ECHDC1: variants seen among roughly 807,000 people sequenced by gnomAD.
ECHDC1 encodes ethylmalonyl-CoA decarboxylase.
A neutral mutation model predicts 29.7 loss-of-function variants in ECHDC1; 29 were observed. That is an observed-to-expected ratio of 0.98 (90% CI 0.73 to 1.33). The LOEUF (loss-of-function observed/expected upper bound fraction) is 1.33. Ranked by LOEUF, ECHDC1 falls within the 40% of genes most tolerant of loss-of-function variation. The pLI is 0.00. For synonymous variants in ECHDC1, 126 were observed against 123.1 expected (o/e 1.02, Z -0.15); for missense variants, 328 against 350.0 (o/e 0.94, Z 0.50).
intron 5 of ECHDC1, among the ~76,000 whole-genome samples, chr6:127,311,707 A>AAAAAAAAAAAAAAAAAAAAAAAAAAAG (rs1781943643): frequency 2.2e-5 from 2 of 88,958 alleles, no homozygotes; most frequent in Admixed American, 1.6e-4. Context: ...AAGAAAAGAA[A>AAAAAAAAAAAAAAAAAAAAAAAAAAAG]AAAGAAAGAA....
intron 1 of ECHDC1, among the ~76,000 whole-genome samples, chr6:127,334,827 T>C (rs1478130486): frequency 1.3e-5 from 2 of 151,702 alleles, no homozygotes; most frequent in Non-Finnish European, 3.0e-5. Context: ...CCTTTATTTA[T>C]CCCAGCTCAG....
intron 1 of ECHDC1, among the ~76,000 whole-genome samples, chr6:127,338,914 AATGCAT>A (rs1383258741): frequency 3.3e-5 from 5 of 152,196 alleles, no homozygotes; most frequent in African/African-American, 1.2e-4. Context: ...TAACCTAGAT[AATGCAT>A]CCACAGTTAT....
At chr6:127,331,999 T>C (rs1784000871) in intron 1 of ECHDC1, 1 of 355,296 alleles carries the variant, frequency 2.8e-6, no homozygotes, top group African/African-American at 2.2e-5. Flanking sequence ...TCTTGCCCTA[T>C]GTAAACATCC....
At chr6:127,341,593 C>T (rs1206101047) in intron 1 of ECHDC1, 3 of 152,106 alleles carry the variant, frequency 2.0e-5, no homozygotes, top group Admixed American at 2.0e-4. Flanking sequence ...TGCAGCCCCA[C>T]CACAAAGAAG....
chr6:127,343,026 C>G (rs958997266), intron 1 of ECHDC1: 1 of 152,256 alleles, frequency 6.6e-6, no homozygotes, highest in Admixed American at 6.5e-5. Flanking sequence ...CAAGCCTCCT[C>G]ATGCTTTTTA....
rs142016864 is a variant in ECHDC1, at chr6:127,315,578, G to A, written c.417-682C>T. The A allele has an allele frequency of 4.4e-3, 994 of 225,986 alleles. 4 individuals are homozygous for A. The highest frequency in any genetic ancestry group is 5.6e-3 in the Non-Finnish European group (626 of 112,008). The allele number at this position is 225,986 out of a possible 1,614,324, so 14.0% of individuals were successfully genotyped here. A position where few individuals can be genotyped will look rare whatever the true frequency, so the allele number is the denominator to read the frequency against. On this transcript the variant is annotated intron_variant, in intron 4 of 5. Coordinates refer to ENST00000454859, the MANE Select transcript of ECHDC1 (RefSeq NM_001002030.2). ...GTAGGTTCTGACCTACAATGCAAAG[G>A]TGCAGGTCTAAAGTAATTGAAAATT... is the stretch of plus-strand genomic sequence containing the variant.
At position 127,291,276 on chromosome 6, in the gene ECHDC1, CTTTTTTT is replaced by C. The variant is rs57066162; in HGVS notation, c.498-1006_498-1000del. ...ATTTAGCATTTCAAAGCTCTTATAC[CTTTTTTT>C]TTTTTTTTTTTTAAGGAACTGGCAA... On this transcript the variant is annotated intron_variant, in intron 5 of 5. Coordinates refer to ENST00000454859, the MANE Select transcript of ECHDC1 (RefSeq NM_001002030.2). 7.5e-5 allele frequency among the ~76,000 whole-genome samples: 10 copies of C among 133,266 alleles called. No homozygotes were observed. In the East Asian group the frequency reaches 1.3e-3, roughly 17 times the overall value. The allele number at this position is 133,266 out of a possible 152,430, so 87.4% of individuals were successfully genotyped here.
intron 1 of ECHDC1, among the ~76,000 whole-genome samples, chr6:127,341,810 C>T (rs1400983011): frequency 3.9e-5 from 6 of 152,156 alleles, no homozygotes; most frequent in African/African-American, 1.4e-4. Context: ...AGAAGACTAA[C>T]GCAAACTCAT....
chr6:127,297,866 A>G (rs1780740896), intron 5 of ECHDC1, among the ~76,000 whole-genome samples: 1 of 152,192 alleles, frequency 6.6e-6, no homozygotes. Context: ...CCTCTCCACT[A>G]CAAAGAGCTT....
intron 5 of ECHDC1, among the ~76,000 whole-genome samples, chr6:127,311,960 G>A (rs942885249): frequency 6.6e-6 from 1 of 151,868 alleles, no homozygotes; most frequent in Non-Finnish European, 1.5e-5. Flanking sequence ...TTATATGTAT[G>A]ATTTCGTCAA....
chr6:127,313,590 A>G, intron 5 of ECHDC1: 1 of 456,054 alleles, frequency 2.2e-6, no homozygotes, highest in Non-Finnish European at 4.4e-6. Flanking sequence ...CAGTGTCTGA[A>G]ACTGAGACAA....
At chr6:127,342,574 T>G in intron 1 of ECHDC1, 1 of 519,596 alleles carries the variant, frequency 1.9e-6, no homozygotes, top group Non-Finnish European at 3.4e-6. Context: ...GAATGCTAGC[T>G]CTTCTAAAGA....
chr6:127,315,815 A>G (rs528615459), intron 4 of ECHDC1: 81 of 402,892 alleles, frequency 2.0e-4, no homozygotes, highest in African/African-American at 1.5e-3. Flanking sequence ...TGTCCAATTA[A>G]TAACCTTGCT....
At chr6:127,319,534 A>C (rs1782670615) in intron 3 of ECHDC1, among the ~76,000 whole-genome samples, 1 of 152,202 alleles carries the variant, frequency 6.6e-6, no homozygotes, top group South Asian at 2.1e-4. Flanking sequence ...AGAGATGAGA[A>C]AGATTTCATT....
At chr6:127,338,887 G>C (rs769688780) in intron 1 of ECHDC1, among the ~76,000 whole-genome samples, 6 of 152,064 alleles carry the variant, frequency 3.9e-5, no homozygotes, top group Non-Finnish European at 7.4e-5. Context: ...TTCAAAATAC[G>C]GGTATGTTCT....
At chr6:127,297,802 T>A (rs1398000010) in intron 5 of ECHDC1, among the ~76,000 whole-genome samples, 1 of 150,910 alleles carries the variant, frequency 6.6e-6, no homozygotes. Context: ...ATGAGGGGAG[T>A]TTCTTATAAA....
At chr6:127,330,157 G>T (rs1783792441) in intron 2 of ECHDC1, among the ~76,000 whole-genome samples, 1 of 152,188 alleles carries the variant, frequency 6.6e-6, no homozygotes, top group African/African-American at 2.4e-5. Context: ...GCATAACACA[G>T]TGGTAGCGTA....
At chr6:127,291,386 C>T (rs908859883) in intron 5 of ECHDC1, among the ~76,000 whole-genome samples, 2 of 149,158 alleles carry the variant, frequency 1.3e-5, no homozygotes, top group Non-Finnish European at 3.0e-5. Context: ...AATAGCTAGA[C>T]GAGGTGGAAG....
At chr6:127,308,131 C>T (rs1166603197) in intron 5 of ECHDC1, among the ~76,000 whole-genome samples, 1 of 152,152 alleles carries the variant, frequency 6.6e-6, no homozygotes, top group Non-Finnish European at 1.5e-5. Context: ...GGAGGGGATA[C>T]TTCCGAACTC....
Sources: allele counts gnomAD v4.1 joint callset (sites outside exome capture counted in the v4.1 genomes callset), GRCh38; gene constraint gnomAD v4.1.1; transcripts MANE v1.5; gene names NCBI Gene and HGNC (gene_info 2026-07-23, HGNC 2026-07-21).